The following CHN2 variants were observed in gnomAD, a reference collection of about 807,000 sequenced individuals.
The protein encoded by CHN2 is beta-chimaerin.
Under a neutral mutation model 56.3 loss-of-function variants are expected in CHN2, and 35 were observed. The observed-to-expected ratio is 0.62, with a 90% CI of 0.47 to 0.82. The LOEUF (loss-of-function observed/expected upper bound fraction) is 0.82, where lower values mean the gene tolerates loss of function less well. Ranked by LOEUF, CHN2 falls within the 40% of genes least tolerant of loss-of-function variation. The pLI, the probability that CHN2 is intolerant of heterozygous loss-of-function variation, is 0.00. For synonymous variants in CHN2, 210 were observed against 212.8 expected (o/e 0.99, Z 0.12); for missense variants, 491 against 580.5 (o/e 0.85, Z 1.58).
chr7:29,348,347 C>T (rs1056173619), intron 1 of CHN2, among the ~76,000 whole-genome samples: 1 of 152,212 alleles, frequency 6.6e-6, no homozygotes, highest in African/African-American at 2.4e-5. Flanking sequence ...TCTTAACCTG[C>T]ACTTCCAGGC....
intron 1 of CHN2, among the ~76,000 whole-genome samples, chr7:29,210,973 G>A (rs970494308): frequency 1.3e-5 from 2 of 152,166 alleles, no homozygotes; most frequent in African/African-American, 2.4e-5. Flanking sequence ...CTCGTAGGCC[G>A]CCCTAAGGAC....
At chr7:29,246,377 T>C (rs1382292225) in intron 1 of CHN2, among the ~76,000 whole-genome samples, 1 of 152,194 alleles carries the variant, frequency 6.6e-6, no homozygotes, top group African/African-American at 2.4e-5. Flanking sequence ...TGGTAGTTGC[T>C]AAACCAGAAT....
intron 6 of CHN2, among the ~76,000 whole-genome samples, chr7:29,425,250 G>GC (rs1451330063): frequency 1.3e-5 from 2 of 152,186 alleles, no homozygotes; most frequent in Admixed American, 1.3e-4. Context: ...CCAGATGAGT[G>GC]CATTGTCTGC....
intron 1 of CHN2, among the ~76,000 whole-genome samples, chr7:29,312,123 A>G (rs1794644813): frequency 6.6e-6 from 1 of 152,210 alleles, no homozygotes; most frequent in East Asian, 1.9e-4. Context: ...GCGAGCTGTC[A>G]GTGGTCGAAT....
chr7:29,155,222 GTAT>G (rs941617058), intron 2 of CHN2, among the ~76,000 whole-genome samples: 2 of 151,898 alleles, frequency 1.3e-5, no homozygotes, highest in Admixed American at 6.6e-5. Flanking sequence ...AAATAAAGAA[GTAT>G]TATTATTATC....
At chr7:29,370,288 C>T (rs113047558) in intron 3 of CHN2, among the ~76,000 whole-genome samples, 6 of 152,158 alleles carry the variant, frequency 3.9e-5, no homozygotes, top group Admixed American at 2.6e-4. Context: ...CTTAGTCATA[C>T]GTCTTGTTGT....
chr7:29,291,968 A>G (rs1792667606), intron 1 of CHN2, among the ~76,000 whole-genome samples: 1 of 152,186 alleles, frequency 6.6e-6, no homozygotes, highest in African/African-American at 2.4e-5. Context: ...ATACAAAGAG[A>G]AGGACTTGGC....
chr7:29,220,669 C>T (rs1212120218), intron 1 of CHN2, among the ~76,000 whole-genome samples: 1 of 151,958 alleles, frequency 6.6e-6, no homozygotes, highest in Non-Finnish European at 1.5e-5. Context: ...AATGCCTTCC[C>T]CTAAATTTAA....
chr7:29,212,565 A>G, intron 1 of CHN2: 2 of 1,448,866 alleles, frequency 1.4e-6, no homozygotes, highest in Non-Finnish European at 1.9e-6. Context: ...AAAAAGGGAG[A>G]CGAGGTCCCA....
intron 6 of CHN2, among the ~76,000 whole-genome samples, chr7:29,416,498 AGTT>A: frequency 6.6e-6 from 1 of 152,342 alleles, no homozygotes; most frequent in South Asian, 2.1e-4. Context: ...CAAGTCCAGT[AGTT>A]CTCAAATTTT....
chr7:29,398,241 G>A lies in CHN2; in HGVS notation c.177-132G>A, dbSNP rs139004548. ...TCCAAGTCACTTAAGATGGGCAGTA[G>A]TCACCCCCCTTCTTCACTCAGTTGT... On this transcript the variant is annotated intron_variant, in intron 4 of 12. Transcript: ENST00000222792. 72 of 643,114 alleles carry A rather than the reference G, an allele frequency of 1.1e-4. No homozygotes were observed. The African/African-American group carries it at 1.1e-3, about 10-fold the overall frequency. 39.8% of individuals were successfully genotyped at this position (643,114 alleles called of 1,614,324 possible).
intron 3 of CHN2, among the ~76,000 whole-genome samples, chr7:29,387,202 G>A (rs960362363): frequency 3.1e-5 from 4 of 128,184 alleles, no homozygotes; most frequent in African/African-American, 1.2e-4. Context: ...AGAACCTATT[G>A]CCACGATGGT....
At position 29,161,791 on chromosome 7, in the gene CHN2, T is replaced by C. The variant is rs533237062; in HGVS notation, c.274+14831T>C. On this transcript the variant is annotated intron_variant, in intron 2 of 6. Transcript: ENST00000439384. ...ATTTGCAAATCATATGTAAAAGATT[T>C]ATCTATAGAATATATAAAGAGTTCT... 6.6e-5 allele frequency among the ~76,000 whole-genome samples: 10 copies of C among 152,354 alleles called. No homozygotes were observed. In the South Asian group the frequency reaches 2.1e-3, roughly 32 times the overall value.
intron 1 of CHN2, among the ~76,000 whole-genome samples, chr7:29,197,663 C>T (rs1220917617): frequency 6.6e-6 from 1 of 152,232 alleles, no homozygotes; most frequent in Non-Finnish European, 1.5e-5. Context: ...TTTTGGGCTT[C>T]ATTAAATAAG....
chr7:29,175,958 G>A lies in CHN2; in HGVS notation c.274+28998G>A, dbSNP rs535119450. On this transcript the variant is annotated intron_variant, in intron 2 of 6. Transcript: ENST00000439384. Reference sequence around the variant, plus strand: ...TCCCAGCACTTTGGGAGGCCGAGGCGGGAAGATCACAAGGTCAGGAGATCA... The same window carrying A: ...TCCCAGCACTTTGGGAGGCCGAGGCAGGAAGATCACAAGGTCAGGAGATCA... Among the ~76,000 whole-genome samples, 40 of 152,128 alleles carry A rather than the reference G, an allele frequency of 2.6e-4. 1 individual carries two copies. The South Asian group carries it at 3.7e-3, about 14-fold the overall frequency.
At chr7:29,454,290 C>T (rs748828971) in intron 6 of CHN2, among the ~76,000 whole-genome samples, 26 of 152,150 alleles carry the variant, frequency 1.7e-4, no homozygotes, top group Non-Finnish European at 3.2e-4. Context: ...GTGTGTGGCA[C>T]ATACTAGGTG....
intron 1 of CHN2, among the ~76,000 whole-genome samples, chr7:29,249,470 C>T (rs1788319781): frequency 6.6e-6 from 1 of 152,214 alleles, no homozygotes; most frequent in African/African-American, 2.4e-5. Flanking sequence ...CCCACCTAAC[C>T]CACTCAGACT....
chr7:29,160,126 A>G (rs1794976929), intron 2 of CHN2, among the ~76,000 whole-genome samples: 1 of 152,108 alleles, frequency 6.6e-6, no homozygotes, highest in South Asian at 2.1e-4. Context: ...TAAGATCAAC[A>G]TGGTTTCCTG....
chr7:29,253,321 C>A (rs1437170469), intron 1 of CHN2, among the ~76,000 whole-genome samples: 1 of 152,186 alleles, frequency 6.6e-6, no homozygotes, highest in Non-Finnish European at 1.5e-5. Flanking sequence ...CTTGCTCATT[C>A]CAGCAGAAAG....
Sources: gnomAD v4.1 joint callset for allele counts (sites outside exome capture counted in the v4.1 genomes callset) on GRCh38, gnomAD v4.1.1 for gene constraint, MANE v1.5 for transcripts, NCBI Gene and HGNC (gene_info 2026-07-23, HGNC 2026-07-21) for gene names.